Variants in ITCH observed in about 807,000 individuals in gnomAD.
The protein encoded by ITCH is itchy E3 ubiquitin protein ligase.
ITCH carries 28 observed loss-of-function variants against 126.8 expected under a neutral mutation model. That is an observed-to-expected ratio of 0.22 (90% CI 0.16 to 0.30). The LOEUF is 0.30. Among genes scored for constraint, ITCH ranks in the 10% least tolerant of loss-of-function variants. ITCH has a pLI of 1.00. For synonymous variants in ITCH, 342 were observed against 340.0 expected (o/e 1.01, Z -0.06); for missense variants, 631 against 1,032.4 (o/e 0.61, Z 5.33).
intron 24 of ITCH, among the ~76,000 whole-genome samples, chr20:34,507,427 T>C (rs1197477712): frequency 2.0e-5 from 3 of 151,938 alleles, no homozygotes; most frequent in Non-Finnish European, 4.4e-5. Context: ...CATTTGTATG[T>C]CTTTGGAGAA....
chr20:34,459,501 C>T (rs55999226), intron 13 of ITCH, among the ~76,000 whole-genome samples: 10,665 of 152,202 alleles, frequency 0.07, 1,201 homozygotes, highest in African/African-American at 0.24. Flanking sequence ...ATCAAAGCCT[C>T]CAGGCAAACA....
Position 34,403,883 on chromosome 20 carries a change from A to AT in ITCH, c.71-4768_71-4767insT, listed in dbSNP as rs528325091. ...GTACATGGCCCATGTGAGGAACAGC[A>AT]AATAACTAAGGGTGGCTAGAATATA... On this transcript the variant is annotated intron_variant, in intron 3 of 24. Transcript: ENST00000374864. Among the ~76,000 whole-genome samples, 92 of 152,336 alleles carry AT rather than the reference A, an allele frequency of 6.0e-4. No homozygotes were observed. In the South Asian group the frequency reaches 0.019, roughly 31 times the overall value.
intron 13 of ITCH, among the ~76,000 whole-genome samples, chr20:34,459,888 T>G (rs1355622032): frequency 6.6e-6 from 1 of 152,258 alleles, no homozygotes; most frequent in Non-Finnish European, 1.5e-5. Flanking sequence ...ATGAAGAATT[T>G]CATAGATAAC....
intron 24 of ITCH, among the ~76,000 whole-genome samples, chr20:34,505,013 G>A (rs1569014172): frequency 6.6e-6 from 1 of 151,990 alleles, no homozygotes; most frequent in Non-Finnish European, 1.5e-5. Flanking sequence ...AAATTATGCA[G>A]TTCGGTTCAG....
chr20:34,372,430 G>T (rs1405234828), intron 2 of ITCH, among the ~76,000 whole-genome samples: 1 of 119,886 alleles, frequency 8.3e-6, no homozygotes, highest in Non-Finnish European at 1.6e-5. Context: ...ACCCAGGCTG[G>T]AGTGCAGTGG....
intron 3 of ITCH, among the ~76,000 whole-genome samples, chr20:34,395,703 A>AGTGT (rs901084149): frequency 1.8e-4 from 28 of 152,298 alleles, no homozygotes; most frequent in African/African-American, 6.7e-4. Context: ...GGAATTGTAC[A>AGTGT]GTGTGTGGCC....
At chr20:34,365,207 TAAAA>T (rs914748967) in intron 1 of ITCH, among the ~76,000 whole-genome samples, 1 of 146,392 alleles carries the variant, frequency 6.8e-6, no homozygotes, top group African/African-American at 2.5e-5. Flanking sequence ...TCTCAAAAAA[TAAAA>T]AAAAAAATTT....
At chr20:34,422,818 G>A (rs975127758) in intron 6 of ITCH, among the ~76,000 whole-genome samples, 11 of 150,622 alleles carry the variant, frequency 7.3e-5, no homozygotes, top group Admixed American at 3.3e-4. Context: ...TTTTTGAGAC[G>A]GAGTTTCACT....
intron 10 of ITCH, among the ~76,000 whole-genome samples, chr20:34,442,937 C>G (rs1983949659): frequency 6.7e-6 from 1 of 149,988 alleles, no homozygotes. Context: ...GATCTCGCCA[C>G]TGCACTCCAG....
intron 4 of ITCH, among the ~76,000 whole-genome samples, chr20:34,409,338 A>T (rs972581867): frequency 1.3e-5 from 2 of 152,084 alleles, no homozygotes; most frequent in East Asian, 3.9e-4. Context: ...GACCACAGGC[A>T]TGCATCACTG....
At chr20:34,405,448 T>C (rs1003162553) in intron 3 of ITCH, among the ~76,000 whole-genome samples, 1 of 151,788 alleles carries the variant, frequency 6.6e-6, no homozygotes, top group South Asian at 2.1e-4. Context: ...GAGGTTGCAA[T>C]GAGCTAAGAT....
intron 9 of ITCH, chr20:34,441,808 A>G (rs1983792848): frequency 4.3e-6 from 1 of 230,932 alleles, no homozygotes; most frequent in Non-Finnish European, 8.7e-6. Context: ...CTGGTCTTGA[A>G]CTCCTGACCT....
At chr20:34,364,751 CG>C (rs2037348634) in intron 1 of ITCH, among the ~76,000 whole-genome samples, 1 of 93,340 alleles carries the variant, frequency 1.1e-5, no homozygotes, top group Non-Finnish European at 2.2e-5. Flanking sequence ...AAATCCTGGG[CG>C]TGGTGGCGCG....
At chr20:34,446,163 G>T (rs927197028) in intron 11 of ITCH, among the ~76,000 whole-genome samples, 1 of 152,094 alleles carries the variant, frequency 6.6e-6, no homozygotes, top group Non-Finnish European at 1.5e-5. Context: ...TTGTCTGGAG[G>T]AAAAGGAAAA....
At chr20:34,375,694 AAATTTTTTTTTTTTTTTTT>A in intron 2 of ITCH, among the ~76,000 whole-genome samples, 1 of 140,392 alleles carries the variant, frequency 7.1e-6, no homozygotes. Context: ...TTGGTAGTTA[AAATTTTTTTTTTTTTTTTT>A]TTTTTTTTTT....
At chr20:34,429,443 T>G (rs1981994550) in intron 7 of ITCH, among the ~76,000 whole-genome samples, 1 of 152,210 alleles carries the variant, frequency 6.6e-6, no homozygotes, top group Non-Finnish European at 1.5e-5. Context: ...TTAGAGCACA[T>G]TAGAATCACC....
Position 34,408,984 on chromosome 20 carries a change from A to G in ITCH, c.212+192A>G, listed in dbSNP as rs778657843. Among the ~76,000 whole-genome samples, 44 of 143,902 alleles carry G rather than the reference A, an allele frequency of 3.1e-4. 1 individual carries two copies. The highest frequency in any genetic ancestry group is 1.5e-4 in the Non-Finnish European group (10 of 66,320). The allele number at this position is 143,902 out of a possible 152,430, so 94.4% of individuals were successfully genotyped here. ...TTTCTCTTTAGATAGCTGTTTTTAT[A>G]GTCACTCCCTTTCTTTACCTTCTCT... On this transcript the variant is annotated intron_variant, in intron 4 of 24. Transcript: ENST00000374864.
intron 10 of ITCH, among the ~76,000 whole-genome samples, chr20:34,444,200 T>G (rs1310218092): frequency 6.6e-6 from 1 of 152,242 alleles, no homozygotes; most frequent in South Asian, 2.1e-4. Flanking sequence ...TTATGAATTA[T>G]GTTCATAATC....
At chr20:34,417,993 G>T (rs1321338295) in intron 6 of ITCH, among the ~76,000 whole-genome samples, 1 of 149,082 alleles carries the variant, frequency 6.7e-6, no homozygotes, top group Non-Finnish European at 1.5e-5. Flanking sequence ...TTGAGACAGG[G>T]TATCGTTCAT....
Sources: allele counts gnomAD v4.1 joint callset (sites outside exome capture counted in the v4.1 genomes callset), GRCh38; gene constraint gnomAD v4.1.1; transcripts MANE v1.5; gene names NCBI Gene and HGNC (gene_info 2026-07-23, HGNC 2026-07-21).